CFAP46: variants seen among roughly 807,000 people sequenced by gnomAD.
CFAP46 encodes the protein cilia and flagella associated protein 46, also known as cilia- and flagella-associated protein 46.
CFAP46 carries 245 observed loss-of-function variants against 325.7 expected under a neutral mutation model. The observed-to-expected ratio is 0.75, with a 90% CI of 0.68 to 0.84. The LOEUF is 0.84. Among genes scored for constraint, CFAP46 ranks in the 40% least tolerant of loss-of-function variants. The pLI is 0.00. For missense variants in CFAP46, 3,346 were observed against 3,543.0 expected (o/e 0.94, Z 1.41); for synonymous variants, 1,523 against 1,495.9 (o/e 1.02, Z -0.42).
chr10:132,825,149 T>G (rs1322602064), intron 50 of CFAP46, among the ~76,000 whole-genome samples: 7 of 149,976 alleles, frequency 4.7e-5, no homozygotes, highest in African/African-American at 1.7e-4. Context: ...TGGTGATGTG[T>G]GCTGTGTGTG....
chr10:132,842,490 C>T (rs1317422629), intron 44 of CFAP46, among the ~76,000 whole-genome samples: 1 of 152,164 alleles, frequency 6.6e-6, no homozygotes, highest in Admixed American at 6.5e-5. Flanking sequence ...CCTCAATGAT[C>T]CATTTACAGA....
rs573821328 is a variant in CFAP46 at position 132,814,983 on chromosome 10, G to A, written c.7118-69C>T. 104 of 1,377,716 alleles carry A rather than the reference G, an allele frequency of 7.5e-5. 1 individual carries two copies. The South Asian group carries it at 8.7e-4, about 12-fold the overall frequency. The allele number at this position is 1,377,716 out of a possible 1,614,324, so 85.3% of individuals were successfully genotyped here. On this transcript the variant is annotated intron_variant, in intron 50 of 57. Coordinates refer to ENST00000368586, the MANE Select transcript of CFAP46 (RefSeq NM_001200049.3). ...GAGGCAGCCCTCCGGCCACACGGTCGGTTAATTTCATGTTATGCAAATTTC... is the reference window on the plus strand; with the variant it reads ...GAGGCAGCCCTCCGGCCACACGGTCAGTTAATTTCATGTTATGCAAATTTC...
rs141865496 is a variant in CFAP46 at position 132,867,253 on chromosome 10, G to A, written c.4743+122C>T. 24 of 1,186,698 alleles carry A rather than the reference G, an allele frequency of 2.0e-5. 1 individual carries two copies. Among genetic ancestry groups the A allele is most frequent in the East Asian group, 1.8e-4 (7 of 39,016 alleles). The allele number at this position is 1,186,698 out of a possible 1,614,324, so 73.5% of individuals were successfully genotyped here. Reference sequence around the variant, plus strand: ...TCACACACTGACACACACCCAGGCCGGCCCCTCACACACTGACACACACAC... The same window carrying A: ...TCACACACTGACACACACCCAGGCCAGCCCCTCACACACTGACACACACAC... On this transcript the variant is annotated intron_variant, in intron 34 of 57. Transcript: ENST00000368586.
In CFAP46 at chr10:132,825,176, GTGTGTGC is replaced by G. The variant is rs1209837413; in HGVS notation, c.7117+8175_7117+8181del. ...CTGTGTGTGCAGTGATGTGTGCTGT[GTGTGTGC>G]TGTGTGCTGTGTGCGCTGTGTGCTG... On this transcript the variant is annotated intron_variant, in intron 50 of 57. Coordinates refer to ENST00000368586, the MANE Select transcript of CFAP46 (RefSeq NM_001200049.3). Among the ~76,000 whole-genome samples the G allele has an allele frequency of 6.9e-4, 102 of 147,712 alleles. 1 individual carries two copies. Among genetic ancestry groups the G allele is most frequent in the African/African-American group, 5.1e-4 (20 of 39,540 alleles).
chr10:132,867,298 G>A (rs1848829046), intron 34 of CFAP46, 77 bp downstream of exon 34: 2 of 1,501,828 alleles, frequency 1.3e-6, no homozygotes, highest in African/African-American at 2.8e-5. Context: ...GCCTGGCTCA[G>A]CTGCAGCCCT....
At chr10:132,864,571 ATCTGTCCC>A (rs1564783735) in intron 35 of CFAP46, among the ~76,000 whole-genome samples, 6 of 83,252 alleles carry the variant, frequency 7.2e-5, no homozygotes, top group Admixed American at 1.5e-4. Context: ...ACCTGCAAAC[ATCTGTCCC>A]CCTGCCTGAG....
In CFAP46 at chr10:132,869,288, C is replaced by A; in HGVS notation, c.4596G>T (p.Glu1532Asp). The change falls in exon 33 of 58, where the codon GAG becomes GAT. Residue 1532 changes from glutamate (E) to aspartate (D), a missense_variant. Glu to Asp is a conservative substitution (Grantham distance 45). Transcript: ENST00000368586. The surrounding 1 kb of genome is among the most constrained non-coding windows in gnomAD (Gnocchi z 6.2). ...ACGGCACACACCTGGCCTGCTCCAG[C>A]TCGCTGACGCACACCTGCCCGACCG... ...EEAVGQVCVS[E>D]LEQASCRKEI... 6.5e-7 allele frequency: 1 copy of A among 1,536,732 alleles called. No homozygotes were observed.
intron 4 of CFAP46, among the ~76,000 whole-genome samples, chr10:132,940,555 C>T (rs1362892915): frequency 1.3e-5 from 2 of 151,098 alleles, no homozygotes. Context: ...GGGGTGCGCC[C>T]GGGGAGGCCC....
At position 132,902,394 on chromosome 10, in the gene CFAP46, A is replaced by G. The variant is rs974134481; in HGVS notation, c.2925-2728T>C. Among the ~76,000 whole-genome samples the G allele has an allele frequency of 1.1e-4, 17 of 152,104 alleles. No homozygotes were observed. In the East Asian group the frequency reaches 3.3e-3, roughly 29 times the overall value. On this transcript the variant is annotated intron_variant, in intron 22 of 57. Coordinates refer to ENST00000368586, the MANE Select transcript of CFAP46 (RefSeq NM_001200049.3). The stretch of plus-strand genomic sequence containing the variant: ...TGGCCTGGATTCGAAGTTACTGATC[A>G]TTCTTCAGCGTCCAGCCTGATGATA...
At position 132,919,287 on chromosome 10, in the gene CFAP46, G is replaced by C; in HGVS notation, c.1858+28C>G. 6.5e-7 allele frequency: 1 copy of C among 1,541,912 alleles called. No individual in the cohort carries two copies. The highest frequency in any genetic ancestry group is 8.8e-7 in the Non-Finnish European group (1 of 1,141,812). On this transcript the variant is annotated intron_variant, in intron 15 of 57. Coordinates refer to ENST00000368586, the MANE Select transcript of CFAP46 (RefSeq NM_001200049.3). This position sits in a 1 kb window ranked among gnomAD's most constrained non-coding sequence, Gnocchi z 9.7. ...CCAGAGGGCGGCCGTGGCCAGGCTG[G>C]GACACACTCGTGAGGGCGGGTACGA...
intron 24 of CFAP46, chr10:132,898,522 C>T (rs1849347420): frequency 6.3e-6 from 2 of 317,694 alleles, no homozygotes; most frequent in South Asian, 5.4e-5. Context: ...CTCCCCGCCA[C>T]CCCACTCTGC....
chr10:132,819,052 T>C, intron 50 of CFAP46, among the ~76,000 whole-genome samples: 1 of 152,260 alleles, frequency 6.6e-6, no homozygotes, highest in African/African-American at 2.4e-5. Flanking sequence ...TTTCTATACA[T>C]TACAATGAAC....
Position 132,942,509 on chromosome 10 carries a change from T to C in CFAP46, c.-25A>G, listed in dbSNP as rs7898115. On this transcript the variant is annotated 5_prime_UTR_variant, in exon 1 of 58. Coordinates refer to ENST00000368586, the MANE Select transcript of CFAP46 (RefSeq NM_001200049.3). ...TGGCGCCGGCGCCCTGCTCGTCCGC[T>C]CTCTCCGGGGTCCGCGGTGCGTCCT... 0.46 allele frequency: 584,310 copies of C among 1,261,890 alleles called. 137,568 individuals are homozygous for C. The highest frequency in any genetic ancestry group is 0.64 in the African/African-American group (41,480 of 64,552). 78.2% of individuals were successfully genotyped at this position (1,261,890 alleles called of 1,614,324 possible). A position where few individuals can be genotyped will look rare whatever the true frequency, so the allele number is the denominator to read the frequency against.
intron 55 of CFAP46, among the ~76,000 whole-genome samples, chr10:132,812,011 C>T (rs1162675138): frequency 6.6e-6 from 1 of 152,240 alleles, no homozygotes; most frequent in East Asian, 1.9e-4. Flanking sequence ...GAGAAGGTCA[C>T]GGCAAGTGGG....
intron 46 of CFAP46, 54 bp downstream of exon 46, chr10:132,836,088 G>A (rs1591043531): frequency 1.6e-5 from 20 of 1,269,568 alleles, no homozygotes; most frequent in East Asian, 7.4e-5. Context: ...CCCCACTCTC[G>A]CCCATGCTCC....
chr10:132,935,041 T>C lies in CFAP46; in HGVS notation c.756-179A>G, dbSNP rs180757921. Among the ~76,000 whole-genome samples, 659 of 152,214 alleles carry C rather than the reference T, an allele frequency of 4.3e-3. 10 individuals are homozygous for C. The highest frequency in any genetic ancestry group is 2.9e-3 in the Non-Finnish European group (194 of 67,996). On this transcript the variant is annotated intron_variant, in intron 7 of 57. Coordinates refer to ENST00000368586, the MANE Select transcript of CFAP46 (RefSeq NM_001200049.3). The stretch of plus-strand genomic sequence containing the variant: ...GACTTTTCACCCCTTCTGGTCCTCC[T>C]TCCCTCCATGATGCCCGGCCTTCCT...
In CFAP46 at chr10:132,808,443, G is replaced by T; in HGVS notation, c.8126C>A (p.Thr2709Asn). The change falls in exon 58 of 58, where the codon ACC (threonine) becomes AAC (asparagine). Residue 2709 changes from threonine (T) to asparagine (N), a missense_variant. Thr to Asn is a moderately conservative substitution (Grantham distance 65). Transcript: ENST00000368586. The surrounding 1 kb of genome is among the most constrained non-coding windows in gnomAD (Gnocchi z 6.8). ...CACTCAAATCAAAAACAGGCTCACGGTCTGAATAGTCTTCTGGTCTAAGCA... is the reference window on the plus strand; with the variant it reads ...CACTCAAATCAAAAACAGGCTCACGTTCTGAATAGTCTTCTGGTCTAAGCA... ...LSCLDQKTIQTVSLFLI is the reference protein window; with the variant it reads ...LSCLDQKTIQNVSLFLI 6.2e-7 allele frequency: 1 copy of T among 1,610,412 alleles called. No individual in the cohort carries two copies. The highest frequency in any genetic ancestry group is 8.5e-7 in the Non-Finnish European group (1 of 1,177,714).
chr10:132,886,698 C>T lies in CFAP46; in HGVS notation c.3305-739G>A, dbSNP rs770618028. Among the ~76,000 whole-genome samples the T allele has an allele frequency of 6.6e-5, 10 of 152,192 alleles. No individual in the cohort carries two copies. Among genetic ancestry groups the T allele is most frequent in the Non-Finnish European group, 1.3e-4 (9 of 68,022 alleles). ...CCCAGTGAGCACAGAACCCAGCCCA[C>T]TCTGCCACCTTCCGGCCAAGAGTCC... is the stretch of plus-strand genomic sequence containing the variant. On this transcript the variant is annotated intron_variant, in intron 25 of 57. Coordinates refer to ENST00000368586, the MANE Select transcript of CFAP46 (RefSeq NM_001200049.3). This position sits in a 1 kb window ranked among gnomAD's most constrained non-coding sequence, Gnocchi z 5.8.
intron 44 of CFAP46, among the ~76,000 whole-genome samples, chr10:132,845,507 C>A (rs1446519512): frequency 6.6e-6 from 1 of 152,222 alleles, no homozygotes; most frequent in African/African-American, 2.4e-5. Flanking sequence ...GGCAGCCACG[C>A]AGCCGAAGGA....
Sources: allele counts gnomAD v4.1 joint callset (sites outside exome capture counted in the v4.1 genomes callset), GRCh38; gene constraint gnomAD v4.1.1; non-coding constraint Gnocchi (gnomAD v3.1); transcripts MANE v1.5; gene names NCBI Gene and HGNC (gene_info 2026-07-23, HGNC 2026-07-21).